GLRB: variants seen among roughly 807,000 people sequenced by gnomAD.
GLRB encodes the protein glycine receptor subunit beta.
A neutral mutation model predicts 54.2 loss-of-function variants in GLRB; 33 were observed. The observed-to-expected ratio is 0.61, with a 90% confidence interval of 0.46 to 0.81. The LOEUF is 0.81. Among genes scored for constraint, GLRB ranks in the 40% least tolerant of loss-of-function variants. The probability of loss-of-function intolerance (pLI) is 0.00; values close to 1 mark genes in which losing one functional copy is unlikely to be tolerated. For missense variants in GLRB, 572 were observed against 584.6 expected (o/e 0.98, Z 0.22); for synonymous variants, 209 against 208.2 (o/e 1.00, Z -0.03).
intron 2 of GLRB, among the ~76,000 whole-genome samples, chr4:157,083,299 G>A (rs1214468559): frequency 6.6e-6 from 1 of 152,042 alleles, no homozygotes; most frequent in Non-Finnish European, 1.5e-5. Context: ...AACTGTGATG[G>A]TGATGAGAAA....
chr4:157,119,251 T>C (rs1402743036), intron 2 of GLRB, among the ~76,000 whole-genome samples: 1 of 151,678 alleles, frequency 6.6e-6, no homozygotes. Flanking sequence ...AAAAGTATTT[T>C]ACCAATTCCC....
At chr4:157,095,014 A>C (rs1489096635) in intron 2 of GLRB, among the ~76,000 whole-genome samples, 2 of 152,240 alleles carry the variant, frequency 1.3e-5, no homozygotes, top group African/African-American at 4.8e-5. Flanking sequence ...CACTAAAATA[A>C]TATTCAGCAC....
At chr4:157,084,065 T>G (rs997532595) in intron 2 of GLRB, among the ~76,000 whole-genome samples, 1 of 152,158 alleles carries the variant, frequency 6.6e-6, no homozygotes, top group Non-Finnish European at 1.5e-5. Flanking sequence ...AAATAAACTT[T>G]CAGATTTTTT....
At chr4:157,095,811 G>A (rs549636506) in intron 2 of GLRB, among the ~76,000 whole-genome samples, 1 of 152,132 alleles carries the variant, frequency 6.6e-6, no homozygotes, top group Non-Finnish European at 1.5e-5. Flanking sequence ...ATCAGAGAGG[G>A]CTGCCTTGGA....
chr4:157,116,944 T>C (rs1294001572), intron 2 of GLRB, among the ~76,000 whole-genome samples: 1 of 151,704 alleles, frequency 6.6e-6, no homozygotes, highest in Admixed American at 6.6e-5. Flanking sequence ...TTTGGTATAT[T>C]CCCTGGGTTG....
At chr4:157,108,503 G>A (rs758337747) in intron 2 of GLRB, among the ~76,000 whole-genome samples, 1 of 152,008 alleles carries the variant, frequency 6.6e-6, no homozygotes, top group Non-Finnish European at 1.5e-5. Flanking sequence ...CAGAGATGGT[G>A]GAAATAGCAA....
At chr4:157,138,492 C>T (rs1265180015) in intron 6 of GLRB, among the ~76,000 whole-genome samples, 1 of 152,078 alleles carries the variant, frequency 6.6e-6, no homozygotes, top group Non-Finnish European at 1.5e-5. Flanking sequence ...TATTTATTAG[C>T]TTTTTATTGA....
chr4:157,169,821 GT>G (rs1737849714), intron 9 of GLRB, among the ~76,000 whole-genome samples: 1 of 152,036 alleles, frequency 6.6e-6, no homozygotes, highest in African/African-American at 2.4e-5. Flanking sequence ...TAATTCCTTT[GT>G]ATTGTCTGAG....
At chr4:157,107,760 G>T (rs1209996633) in intron 2 of GLRB, among the ~76,000 whole-genome samples, 1 of 152,106 alleles carries the variant, frequency 6.6e-6, no homozygotes, top group Non-Finnish European at 1.5e-5. Flanking sequence ...GATCTTTGAT[G>T]AAGGTGAATA....
chr4:157,118,129 G>A (rs1735672624), intron 2 of GLRB, among the ~76,000 whole-genome samples: 1 of 151,594 alleles, frequency 6.6e-6, no homozygotes, highest in African/African-American at 2.4e-5. Flanking sequence ...ACAGCTAGAA[G>A]CAGAAAAATC....
chr4:157,170,408 A>G (rs766989351), intron 9 of GLRB, 24 bp from the exon 10 acceptor site: 3 of 1,438,704 alleles, frequency 2.1e-6, no homozygotes, highest in African/African-American at 2.8e-5. Context: ...TTTTAAATAC[A>G]TTGTCTTCAA....
intron 4 of GLRB, among the ~76,000 whole-genome samples, chr4:157,123,927 G>C (rs1735923609): frequency 6.6e-6 from 1 of 151,516 alleles, no homozygotes; most frequent in Non-Finnish European, 1.5e-5. Flanking sequence ...GCTAATGCAA[G>C]GATCTTTTTT....
At chr4:157,102,337 C>G (rs968196974) in intron 2 of GLRB, among the ~76,000 whole-genome samples, 1 of 152,154 alleles carries the variant, frequency 6.6e-6, no homozygotes, top group Non-Finnish European at 1.5e-5. Flanking sequence ...AATGGCAACT[C>G]CCCATTTTCC....
intron 2 of GLRB, among the ~76,000 whole-genome samples, chr4:157,114,628 C>T (rs1434298473): frequency 6.6e-6 from 1 of 151,598 alleles, no homozygotes; most frequent in Non-Finnish European, 1.5e-5. Flanking sequence ...GTTGTCATGC[C>T]TTCTTGTGCT....
chr4:157,146,758 T>A (rs1736828004), intron 8 of GLRB, among the ~76,000 whole-genome samples: 2 of 150,660 alleles, frequency 1.3e-5, no homozygotes, highest in African/African-American at 4.9e-5. Flanking sequence ...GTCTCAGAGG[T>A]TGCAATGAGC....
chr4:157,119,283 A>G (rs374895088), intron 2 of GLRB, among the ~76,000 whole-genome samples: 1 of 151,590 alleles, frequency 6.6e-6, no homozygotes, highest in South Asian at 2.1e-4. Context: ...AAGCTGCCAT[A>G]TTTTACTGAG....
At position 157,158,217 on chromosome 4, in the gene GLRB, G is replaced by C. The variant is rs189516416; in HGVS notation, c.1197+5207G>C. Among the ~76,000 whole-genome samples, 20 of 152,088 alleles carry C rather than the reference G, an allele frequency of 1.3e-4. No homozygotes were observed. In the East Asian group the frequency reaches 3.9e-3, roughly 29 times the overall value. On this transcript the variant is annotated intron_variant, in intron 9 of 9. Coordinates refer to ENST00000264428, the MANE Select transcript of GLRB (RefSeq NM_000824.5). ...TGTAAATTTGTTTAAGTTCTTTGTA[G>C]ATCCCGGATATTAGCCCTTTGTCAG...
intron 6 of GLRB, among the ~76,000 whole-genome samples, chr4:157,137,591 A>G (rs1485288724): frequency 6.6e-6 from 1 of 152,104 alleles, no homozygotes; most frequent in Non-Finnish European, 1.5e-5. Flanking sequence ...CTGGCAAAAC[A>G]TCTTGCATAT....
At chr4:157,142,399 C>A (rs1736650643) in intron 7 of GLRB, among the ~76,000 whole-genome samples, 1 of 151,974 alleles carries the variant, frequency 6.6e-6, no homozygotes, top group Admixed American at 6.6e-5. Flanking sequence ...TTGCTTCAGT[C>A]GAAAGCAACT....
Sources: allele counts gnomAD v4.1 joint callset (sites outside exome capture counted in the v4.1 genomes callset), GRCh38; gene constraint gnomAD v4.1.1; transcripts MANE v1.5; gene names NCBI Gene and HGNC (gene_info 2026-07-23, HGNC 2026-07-21).